GRID1: variants seen among roughly 807,000 people sequenced by gnomAD.
GRID1 encodes the protein glutamate ionotropic receptor delta type subunit 1.
Under a neutral mutation model 98.0 loss-of-function variants are expected in GRID1, and 28 were observed. That is an observed-to-expected ratio of 0.29 (90% CI 0.21 to 0.39). GRID1 has a LOEUF of 0.39. Ranked by LOEUF, GRID1 falls within the 10% of genes least tolerant of loss-of-function variation. The pLI is 1.00. For synonymous variants in GRID1, 553 were observed against 538.5 expected (o/e 1.03, Z -0.37); for missense variants, 1,111 against 1,340.5 (o/e 0.83, Z 2.67).
chr10:85,711,774 T>A (rs1318869314), intron 12 of GRID1, among the ~76,000 whole-genome samples: 2 of 151,792 alleles, frequency 1.3e-5, no homozygotes, highest in African/African-American at 4.8e-5. Flanking sequence ...TATAGAAGAT[T>A]ATCTACTGAA....
intron 8 of GRID1, among the ~76,000 whole-genome samples, chr10:85,809,096 G>A (rs970630789): frequency 2.6e-5 from 4 of 151,572 alleles, no homozygotes; most frequent in Non-Finnish European, 4.4e-5. Flanking sequence ...ATATAAAATC[G>A]AATATTCACT....
At chr10:86,080,258 C>T (rs926437349) in intron 4 of GRID1, among the ~76,000 whole-genome samples, 27 of 151,460 alleles carry the variant, frequency 1.8e-4, no homozygotes, top group East Asian at 5.9e-4. Context: ...TGCTTGAACC[C>T]GGGAGGCAGA....
chr10:85,854,672 C>T (rs1408806142), intron 7 of GRID1, 57 bp from the exon 8 acceptor site: 6 of 1,596,940 alleles, frequency 3.8e-6, no homozygotes, highest in Non-Finnish European at 5.1e-6. Flanking sequence ...GGATGGAGTC[C>T]CAAAGGCTAA....
chr10:85,916,273 G>A lies in GRID1; in HGVS notation c.727-34C>T. On this transcript the variant is annotated intron_variant, in intron 4 of 15. Transcript: ENST00000327946. This position sits in a 1 kb window ranked among gnomAD's most constrained non-coding sequence, Gnocchi z 4.0. The stretch of plus-strand genomic sequence containing the variant: ...AGAAAAAGAACGAACATGAACAGAA[G>A]CAAGACAGAAGCTGGCAGACACAGG... 6.5e-7 allele frequency: 1 copy of A among 1,527,996 alleles called. No individual in the cohort carries two copies. Among genetic ancestry groups the A allele is most frequent in the Non-Finnish European group, 9.1e-7 (1 of 1,101,918 alleles). 94.7% of individuals were successfully genotyped at this position (1,527,996 alleles called of 1,614,324 possible).
chr10:86,323,579 C>T (rs1483823171), intron 2 of GRID1, among the ~76,000 whole-genome samples: 2 of 152,218 alleles, frequency 1.3e-5, no homozygotes, highest in Non-Finnish European at 2.9e-5. Flanking sequence ...AAACGGTATG[C>T]TCCAGCAACC....
intron 8 of GRID1, among the ~76,000 whole-genome samples, chr10:85,830,701 A>C (rs966830918): frequency 1.3e-5 from 2 of 152,232 alleles, no homozygotes; most frequent in African/African-American, 4.8e-5. Context: ...GCTAACAAGC[A>C]TATGAAAAAG....
At chr10:85,749,931 T>C (rs1842030615) in intron 8 of GRID1, among the ~76,000 whole-genome samples, 1 of 152,234 alleles carries the variant, frequency 6.6e-6, no homozygotes, top group Admixed American at 6.5e-5. Context: ...CATAACTATA[T>C]AAAATGATCC....
intron 8 of GRID1, among the ~76,000 whole-genome samples, chr10:85,787,515 A>G (rs976331408): frequency 2.6e-5 from 4 of 152,134 alleles, no homozygotes; most frequent in Non-Finnish European, 5.9e-5. Context: ...TCCCACAGGA[A>G]CTGGAGCTCT....
intron 4 of GRID1, among the ~76,000 whole-genome samples, chr10:85,934,413 G>GACAC (rs5786728): frequency 0.026 from 3,723 of 141,416 alleles, 83 homozygotes; most frequent in South Asian, 0.057. Flanking sequence ...GCAGAGATTG[G>GACAC]ACACACACAC....
intron 5 of GRID1, among the ~76,000 whole-genome samples, chr10:85,912,604 C>A (rs1187345854): frequency 6.6e-6 from 1 of 152,220 alleles, no homozygotes; most frequent in African/African-American, 2.4e-5. Flanking sequence ...GGGGGCACAG[C>A]TGGAGGGCCA....
At chr10:86,119,850 G>A (rs7392999) in intron 4 of GRID1, among the ~76,000 whole-genome samples, 115,799 of 151,918 alleles carry the variant, frequency 0.76, 44,758 homozygotes, top group Non-Finnish European at 0.83. Flanking sequence ...GAGTGCAGTC[G>A]CGCCATCTCA....
intron 4 of GRID1, among the ~76,000 whole-genome samples, chr10:86,120,147 G>C (rs1482350827): frequency 1.3e-5 from 2 of 152,104 alleles, no homozygotes; most frequent in Non-Finnish European, 2.9e-5. Context: ...ATGGCATATA[G>C]AGTCCTTCCC....
chr10:85,955,563 A>G (rs1412175741), intron 4 of GRID1, among the ~76,000 whole-genome samples: 1 of 152,150 alleles, frequency 6.6e-6, no homozygotes, highest in East Asian at 1.9e-4. Flanking sequence ...ATCCTATTCA[A>G]AGATGTAGGG....
At chr10:85,621,200 G>A (rs1223982630) in intron 13 of GRID1, among the ~76,000 whole-genome samples, 2 of 152,164 alleles carry the variant, frequency 1.3e-5, no homozygotes, top group African/African-American at 2.4e-5. Flanking sequence ...ATGCTATAGT[G>A]AGCACACAGA....
At chr10:85,711,246 T>C (rs1004755265) in intron 12 of GRID1, among the ~76,000 whole-genome samples, 13 of 151,978 alleles carry the variant, frequency 8.6e-5, no homozygotes, top group Admixed American at 4.6e-4. Context: ...GATAGATGAA[T>C]GGATAAATAA....
chr10:85,734,966 C>T (rs1463389406), intron 8 of GRID1, among the ~76,000 whole-genome samples: 6 of 152,134 alleles, frequency 3.9e-5, no homozygotes, highest in African/African-American at 4.8e-5. Flanking sequence ...GGGGGTCTGG[C>T]GCTCGCCACT....
intron 2 of GRID1, among the ~76,000 whole-genome samples, chr10:86,274,214 G>A (rs998768919): frequency 5.9e-5 from 9 of 152,156 alleles, no homozygotes; most frequent in South Asian, 2.1e-4. Flanking sequence ...TCAAAGATCC[G>A]ATAGTTGTAG....
At chr10:86,163,096 G>A (rs755655619) in intron 3 of GRID1, among the ~76,000 whole-genome samples, 19 of 152,216 alleles carry the variant, frequency 1.2e-4, no homozygotes, top group South Asian at 2.1e-4. Context: ...TGGAGGCAGG[G>A]AGCGGGAGTG....
intron 12 of GRID1, among the ~76,000 whole-genome samples, chr10:85,654,726 AGGCCATCCCAG>A (rs899800922): frequency 6.6e-6 from 1 of 152,178 alleles, no homozygotes; most frequent in African/African-American, 2.4e-5. Context: ...AAGTGGTCCG[AGGCCATCCCAG>A]GCACTCAGGG....
Sources: allele counts gnomAD v4.1 joint callset (sites outside exome capture counted in the v4.1 genomes callset), GRCh38; gene constraint gnomAD v4.1.1; non-coding constraint Gnocchi (gnomAD v3.1); transcripts MANE v1.5; gene names NCBI Gene and HGNC (gene_info 2026-07-23, HGNC 2026-07-21).